Variants in HOXC9 observed in about 807,000 individuals in gnomAD.
The protein encoded by HOXC9 is homeobox C9.
In HOXC9, 10 loss-of-function variants were observed where a neutral mutation model predicts 20.0. The ratio of observed to expected loss-of-function variants is 0.50; its 90% confidence interval spans 0.31 to 0.85. The LOEUF is 0.85. Ranked by LOEUF, HOXC9 falls within the 40% of genes least tolerant of loss-of-function variation. The pLI is 0.05. For missense variants in HOXC9, 394 were observed against 376.7 expected (o/e 1.05, Z -0.38); for synonymous variants, 200 against 163.7 (o/e 1.22, Z -1.69).
Position 54,002,759 on chromosome 12 carries a change from A to C in HOXC9, c.*85A>C. 6.9e-7 allele frequency: 1 copy of C among 1,455,760 alleles called. No homozygotes were observed. The allele number at this position is 1,455,760 out of a possible 1,614,324, so 90.2% of individuals were successfully genotyped here. A position where few individuals can be genotyped will look rare whatever the true frequency, so the allele number is the denominator to read the frequency against. ...CCCCAACACAGGCGGGGGAGAGACG[A>C]AAAAGAAAAGGAAAGAGCAAGATAG... is the stretch of plus-strand genomic sequence containing the variant. On this transcript the variant is annotated 3_prime_UTR_variant, in exon 2 of 2. Coordinates refer to ENST00000303450, the MANE Select transcript of HOXC9 (RefSeq NM_006897.3).
In HOXC9 at chr12:54,000,592, G is replaced by A. The variant is rs1939714012; in HGVS notation, c.404G>A (p.Gly135Asp). 2 of 1,532,534 alleles carry A rather than the reference G, an allele frequency of 1.3e-6. No individual in the cohort carries two copies. The highest frequency in any genetic ancestry group is 4.3e-5 in the Admixed American group (2 of 46,940). 94.9% of individuals were successfully genotyped at this position (1,532,534 alleles called of 1,614,324 possible). The change falls in exon 1 of 2, where the codon GGC becomes GAC. Residue 135 changes from glycine (G) to aspartate (D), a missense_variant. By Grantham distance (94) the Gly-to-Asp change is moderately conservative. Transcript: ENST00000303450. Reference sequence around the variant, plus strand: ...CGCGCGGACTGCGGCCCAGGGGAGGGCCGCAGCTACCCGGACTACATGTAC... The same window carrying A: ...CGCGCGGACTGCGGCCCAGGGGAGGACCGCAGCTACCCGGACTACATGTAC... ...GRRADCGPGEGRSYPDYMYGS... is the reference protein window; with the variant it reads ...GRRADCGPGEDRSYPDYMYGS...
In HOXC9 at chr12:54,002,838, T is replaced by C. The variant is rs140162011; in HGVS notation, c.*164T>C. 5 of 781,100 alleles carry C rather than the reference T, an allele frequency of 6.4e-6. No homozygotes were observed. The highest frequency in any genetic ancestry group is 6.3e-5 in the Admixed American group (2 of 31,610). 48.4% of individuals were successfully genotyped at this position (781,100 alleles called of 1,614,324 possible). On this transcript the variant is annotated 3_prime_UTR_variant, in exon 2 of 2. Transcript: ENST00000303450. ...ACAAGGAAGGGGAAAAGAAAACTCT[T>C]GCGATTTGGGAGGGTTCAGTGTTGA...
rs776653913 is a variant in HOXC9, at chr12:54,000,449, C to T, written c.261C>T (p.Gly87=). The T allele has an allele frequency of 6.2e-7, 1 of 1,604,854 alleles. No homozygotes were observed. ...CGTACGGCCCCCAGCCCCACCTCGGCGCCGACACGCGCTACATGCGGACTT... is the reference window on the plus strand; with the variant it reads ...CGTACGGCCCCCAGCCCCACCTCGGTGCCGACACGCGCTACATGCGGACTT... ...YHPYGPQPHL[G]ADTRYMRTWL... Residue 87 remains glycine, a synonymous_variant, in exon 1 of 2, where the codon GGC becomes GGT. Transcript: ENST00000303450.
chr12:54,000,747 CT>C, intron 1 of HOXC9, 21 bp downstream of exon 1: 1 of 1,493,112 alleles, frequency 6.7e-7, no homozygotes. Flanking sequence ...AGCAATTTTC[CT>C]TTACAACCGG....
At chr12:54,001,516 G>A (rs1006480186) in intron 1 of HOXC9, among the ~76,000 whole-genome samples, 2 of 151,832 alleles carry the variant, frequency 1.3e-5, no homozygotes, top group African/African-American at 4.8e-5. Flanking sequence ...TGCACAGGAG[G>A]GCTAGGGTGG....
rs1453843311 is a variant in HOXC9, at chr12:54,002,586, C to G, written c.695C>G (p.Thr232Ser). 1 of 1,614,140 alleles carries G rather than the reference C, an allele frequency of 6.2e-7. No homozygotes were observed. Among genetic ancestry groups the G allele is most frequent in the Admixed American group, 1.7e-5 (1 of 60,016 alleles). ...RYEVARVLNL[T>S]ERQVKIWFQN... ...GAGGTGGCCCGGGTTCTCAATCTCA[C>G]CGAGCGGCAGGTCAAAATCTGGTTT... Residue 232 changes from threonine to serine, a missense_variant, in exon 2 of 2, where the codon ACC (threonine) becomes AGC (serine). Thr to Ser is a moderately conservative substitution (Grantham distance 58). Coordinates refer to ENST00000303450, the MANE Select transcript of HOXC9 (RefSeq NM_006897.3).
chr12:54,002,873 GT>G lies in HOXC9; in HGVS notation c.*203del. The G allele has an allele frequency of 1.9e-6, 1 of 539,706 alleles. No homozygotes were observed. The allele number at this position is 539,706 out of a possible 1,614,324, so 33.4% of individuals were successfully genotyped here. On this transcript the variant is annotated 3_prime_UTR_variant, in exon 2 of 2. Coordinates refer to ENST00000303450, the MANE Select transcript of HOXC9 (RefSeq NM_006897.3). ...GAGGGTTCAGTGTTGAGATATTGGTGTTTTAGAGTTAGTTCTACCCAGCGAG... is the reference window on the plus strand; with the variant it reads ...GAGGGTTCAGTGTTGAGATATTGGTGTTTAGAGTTAGTTCTACCCAGCGAG...
chr12:54,000,286 C>G lies in HOXC9; in HGVS notation c.98C>G (p.Ala33Gly). Residue 33 changes from alanine to glycine, a missense_variant, in exon 1 of 2, where the codon GCT becomes GGT. Coordinates refer to ENST00000303450, the MANE Select transcript of HOXC9 (RefSeq NM_006897.3). ...GCGTCCAGGTTTCCGGCCACCGGGG[C>G]TCATCCCGCCGCCGCCAGACCCAGC... ...LLASRFPATGAHPAAARPSGL... is the reference protein window; with the variant it reads ...LLASRFPATGGHPAAARPSGL... 6.2e-7 allele frequency: 1 copy of G among 1,614,144 alleles called. No homozygotes were observed. Among genetic ancestry groups the G allele is most frequent in the Non-Finnish European group, 8.5e-7 (1 of 1,180,034 alleles).
rs1194693194 is a variant in HOXC9 at position 54,000,668 on chromosome 12, C to G, written c.480C>G (p.Pro160=). Residue 160 remains proline, a synonymous_variant, in exon 1 of 2, where the codon CCC becomes CCG. Coordinates refer to ENST00000303450, the MANE Select transcript of HOXC9 (RefSeq NM_006897.3). ...GCGCCCCGCAGACACTGCCCTCGCCCGAGGCGGACGCGCTCGCCGGCAGCA... is the reference window on the plus strand; with the variant it reads ...GCGCCCCGCAGACACTGCCCTCGCCGGAGGCGGACGCGCTCGCCGGCAGCA... ...RDRAPQTLPS[P]EADALAGSKH... The G allele has an allele frequency of 6.4e-7, 1 of 1,564,542 alleles. No individual in the cohort carries two copies. The highest frequency in any genetic ancestry group is 1.4e-5 in the African/African-American group (1 of 71,520).
Position 54,002,829 on chromosome 12 carries a change from G to A in HOXC9, c.*155G>A. 1 of 834,028 alleles carries A rather than the reference G, an allele frequency of 1.2e-6. No individual in the cohort carries two copies. The highest frequency in any genetic ancestry group is 1.8e-6 in the Non-Finnish European group (1 of 561,862). The allele number at this position is 834,028 out of a possible 1,614,324, so 51.7% of individuals were successfully genotyped here. Reference sequence around the variant, plus strand: ...AAAAGAAAAACAAGGAAGGGGAAAAGAAAACTCTTGCGATTTGGGAGGGTT... The same window carrying A: ...AAAAGAAAAACAAGGAAGGGGAAAAAAAAACTCTTGCGATTTGGGAGGGTT... On this transcript the variant is annotated 3_prime_UTR_variant, in exon 2 of 2. Coordinates refer to ENST00000303450, the MANE Select transcript of HOXC9 (RefSeq NM_006897.3).
At chr12:54,002,382 G>A (rs1200244877) in intron 1 of HOXC9, 48 bp from the exon 2 acceptor site, 1 of 1,589,542 alleles carries the variant, frequency 6.3e-7, no homozygotes, top group Admixed American at 1.7e-5. Flanking sequence ...CAGAAGTCCT[G>A]GGCTGGAAAG....
At position 54,003,087 on chromosome 12, in the gene HOXC9, G is replaced by A. The variant is rs1205989113; in HGVS notation, c.*413G>A. On this transcript the variant is annotated 3_prime_UTR_variant, in exon 2 of 2. Coordinates refer to ENST00000303450, the MANE Select transcript of HOXC9 (RefSeq NM_006897.3). The stretch of plus-strand genomic sequence containing the variant: ...TCCCCGGGCCTGGGGCGCTCTGCGT[G>A]CAGATTTTGTACAAAAAAAAAAAAG... The A allele has an allele frequency of 1.3e-5, 2 of 152,984 alleles. No individual in the cohort carries two copies. The highest frequency in any genetic ancestry group is 2.9e-5 in the Non-Finnish European group (2 of 69,610). 9.5% of individuals were successfully genotyped at this position (152,984 alleles called of 1,614,324 possible).
chr12:54,000,760 G>GC, intron 1 of HOXC9, 34 bp downstream of exon 1: 1 of 1,466,600 alleles, frequency 6.8e-7, no homozygotes, highest in Non-Finnish European at 9.0e-7. Context: ...TACAACCGGC[G>GC]CGGGAGGGGA....
intron 1 of HOXC9, among the ~76,000 whole-genome samples, chr12:54,001,861 A>T (rs1385962611): frequency 1.3e-5 from 2 of 152,084 alleles, no homozygotes; most frequent in Non-Finnish European, 2.9e-5. Flanking sequence ...CTCTGGGGAG[A>T]GGAGAAAGAC....
At chr12:54,001,000 A>C (rs67918869) in intron 1 of HOXC9, among the ~76,000 whole-genome samples, 1 of 152,002 alleles carries the variant, frequency 6.6e-6, no homozygotes, top group African/African-American at 2.4e-5. Flanking sequence ...CTCCCAGCCC[A>C]GGCTTTTTGG....
chr12:54,002,278 C>T lies in HOXC9; in HGVS notation c.539-152C>T, dbSNP rs1460209100. Reference sequence around the variant, plus strand: ...GCTGGGGAGGGGACAGAATGCAAAACGAGGAAGGAGGAAAATTCCTAAAGC... The same window carrying T: ...GCTGGGGAGGGGACAGAATGCAAAATGAGGAAGGAGGAAAATTCCTAAAGC... On this transcript the variant is annotated intron_variant, in intron 1 of 1. Coordinates refer to ENST00000303450, the MANE Select transcript of HOXC9 (RefSeq NM_006897.3). 22 of 929,632 alleles carry T rather than the reference C, an allele frequency of 2.4e-5. No individual in the cohort carries two copies. The East Asian group carries it at 3.2e-4, about 14-fold the overall frequency. The allele number at this position is 929,632 out of a possible 1,614,324, so 57.6% of individuals were successfully genotyped here.
intron 1 of HOXC9, among the ~76,000 whole-genome samples, chr12:54,001,467 C>G (rs1052911792): frequency 1.3e-4 from 20 of 151,724 alleles, no homozygotes; most frequent in African/African-American, 4.6e-4. Context: ...CACTCTCACT[C>G]ACTCACTCCA....
At chr12:54,000,986 C>T (rs965019481) in intron 1 of HOXC9, among the ~76,000 whole-genome samples, 2 of 152,104 alleles carry the variant, frequency 1.3e-5, no homozygotes, top group Non-Finnish European at 2.9e-5. Flanking sequence ...ACCCCTGCCC[C>T]CTCCTCCCAG....
In HOXC9 at chr12:54,000,596, C is replaced by T; in HGVS notation, c.408C>T (p.Arg136=). 6.5e-7 allele frequency: 1 copy of T among 1,533,488 alleles called. No individual in the cohort carries two copies. Among genetic ancestry groups the T allele is most frequent in the Non-Finnish European group, 8.7e-7 (1 of 1,147,306 alleles). The allele number at this position is 1,533,488 out of a possible 1,614,324, so 95.0% of individuals were successfully genotyped here. A position where few individuals can be genotyped will look rare whatever the true frequency, so the allele number is the denominator to read the frequency against. Residue 136 remains arginine, a synonymous_variant, in exon 1 of 2, where the codon CGC becomes CGT. Coordinates refer to ENST00000303450, the MANE Select transcript of HOXC9 (RefSeq NM_006897.3). ...CGGACTGCGGCCCAGGGGAGGGCCG[C>T]AGCTACCCGGACTACATGTACGGCT... The part of the protein sequence containing the change: ...RRADCGPGEG[R]SYPDYMYGSP...
Sources: allele counts gnomAD v4.1 joint callset (sites outside exome capture counted in the v4.1 genomes callset), GRCh38; gene constraint gnomAD v4.1.1; transcripts MANE v1.5; gene names NCBI Gene and HGNC (gene_info 2026-07-23, HGNC 2026-07-21).